Variants in USP42 observed in about 807,000 individuals in gnomAD.
USP42 encodes ubiquitin specific peptidase 42.
A neutral mutation model predicts 113.0 loss-of-function variants in USP42; 23 were observed. The ratio of observed to expected loss-of-function variants is 0.20; its 90% confidence interval spans 0.15 to 0.29. USP42 has a LOEUF of 0.29. Ranked by LOEUF, USP42 falls within the 10% of genes least tolerant of loss-of-function variation. The probability of loss-of-function intolerance (pLI) is 1.00; values close to 1 mark genes in which losing one functional copy is unlikely to be tolerated. For missense variants in USP42, 2,174 were observed against 1,779.8 expected (o/e 1.22, Z -3.99); for synonymous variants, 933 against 699.0 (o/e 1.33, Z -5.28).
intron 3 of USP42, among the ~76,000 whole-genome samples, chr7:6,122,282 T>G (rs987443137): frequency 1.0e-4 from 15 of 149,838 alleles, no homozygotes; most frequent in Non-Finnish European, 1.8e-4. Flanking sequence ...TGTGTCAGTT[T>G]TTTTTTTTTT....
intron 3 of USP42, among the ~76,000 whole-genome samples, chr7:6,126,750 TG>T (rs1780569214): frequency 6.6e-6 from 1 of 152,060 alleles, no homozygotes; most frequent in South Asian, 2.1e-4. Context: ...TTTCTGGTTT[TG>T]GGGGATTGTG....
intron 14 of USP42, among the ~76,000 whole-genome samples, chr7:6,152,747 G>A (rs943147072): frequency 3.3e-5 from 5 of 152,162 alleles, no homozygotes; most frequent in African/African-American, 4.8e-5. Context: ...AGGATATATC[G>A]AAAGCTCTGC....
At chr7:6,108,736 C>G (rs1405466032) in intron 1 of USP42, among the ~76,000 whole-genome samples, 2 of 152,170 alleles carry the variant, frequency 1.3e-5, no homozygotes, top group Non-Finnish European at 2.9e-5. Flanking sequence ...GCCTTGGCCT[C>G]CCAAAGTGCT....
the USP42 span, among the ~76,000 whole-genome samples, chr7:6,088,042 G>C: frequency 2.0e-5 from 3 of 151,020 alleles, no homozygotes; most frequent in African/African-American, 7.4e-5. Context: ...GCTCATACCT[G>C]TAATGCCAGC....
rs569005876 is a variant in USP42, at chr7:6,120,662, C to T, written c.442+5139C>T. Among the ~76,000 whole-genome samples the T allele has an allele frequency of 5.9e-5, 9 of 152,346 alleles. 1 individual carries two copies. The highest frequency in any genetic ancestry group is 2.2e-4 in the African/African-American group (9 of 41,572). ...GCAGTGGCACAATCTCGGCTCACTG[C>T]ACCCTCTGCCTTCTGGGTTCAAGCA... On this transcript the variant is annotated intron_variant, in intron 3 of 17. Transcript: ENST00000306177.
the USP42 span, among the ~76,000 whole-genome samples, chr7:6,099,638 G>A: frequency 6.6e-6 from 1 of 150,626 alleles, no homozygotes; most frequent in South Asian, 2.1e-4. Flanking sequence ...GTGAGCCACC[G>A]CACCTGCCCC....
chr7:6,128,371 T>G (rs1780656687), intron 3 of USP42: 1 of 151,642 alleles, frequency 6.6e-6, no homozygotes, highest in African/African-American at 2.4e-5. Flanking sequence ...CTAGGAATCC[T>G]CCATCTCAGC....
chr7:6,083,484 G>A, the USP42 span, among the ~76,000 whole-genome samples: 7 of 149,952 alleles, frequency 4.7e-5, no homozygotes, highest in Admixed American at 4.7e-4. Context: ...TCAAACTCCT[G>A]ACCTCAAGTA....
rs1373037400 is a variant in USP42 at position 6,129,104 on chromosome 7, G to C, written c.443-6737G>C. Among the ~76,000 whole-genome samples the C allele has an allele frequency of 2.0e-5, 3 of 152,160 alleles. No individual in the cohort carries two copies. In the East Asian group the frequency reaches 5.8e-4, roughly 29 times the overall value. The stretch of plus-strand genomic sequence containing the variant: ...TGGGATTACAGGCGTGTGCCACTGG[G>C]CCTGTAGCCTTTTTAGTGGTCACTT... On this transcript the variant is annotated intron_variant, in intron 3 of 17. Transcript: ENST00000306177.
chr7:6,084,242 G>T, the USP42 span, among the ~76,000 whole-genome samples: 10 of 151,140 alleles, frequency 6.6e-5, no homozygotes, highest in Admixed American at 4.6e-4. Flanking sequence ...GACCAGGCTG[G>T]TCTTGAACTC....
At chr7:6,153,708 C>T (rs1042215241) in intron 14 of USP42, 48 bp from the exon 15 acceptor site, 4 of 1,420,762 alleles carry the variant, frequency 2.8e-6, no homozygotes, top group African/African-American at 3.0e-5. Context: ...TGACATGAGC[C>T]TGTCAAGCCC....
At position 6,160,812 on chromosome 7, in the gene USP42, A is replaced by G. The variant is rs537918421; in HGVS notation, c.*294A>G. On this transcript the variant is annotated 3_prime_UTR_variant, in exon 18 of 18. Transcript: ENST00000306177. The stretch of plus-strand genomic sequence containing the variant: ...AATGCCCTGGAATAGAACATCTCAA[A>G]TGCTGCTTAATTACAGACTCAGGTC... The G allele has an allele frequency of 1.3e-5, 2 of 152,624 alleles. No individual in the cohort carries two copies. Among genetic ancestry groups the G allele is most frequent in the East Asian group, 1.9e-4 (1 of 5,206 alleles). 9.5% of individuals were successfully genotyped at this position (152,624 alleles called of 1,614,324 possible).
At chr7:6,118,962 C>G (rs1395740152) in intron 3 of USP42, among the ~76,000 whole-genome samples, 1 of 151,572 alleles carries the variant, frequency 6.6e-6, no homozygotes, top group Non-Finnish European at 1.5e-5. Flanking sequence ...TGTCTGTAAT[C>G]TCAGTGTTTT....
the USP42 span, among the ~76,000 whole-genome samples, chr7:6,083,275 A>AT: frequency 7.1e-6 from 1 of 141,744 alleles, no homozygotes; most frequent in Non-Finnish European, 1.5e-5. Flanking sequence ...TATTTATTTT[A>AT]GATACAGTCT....
intron 3 of USP42, among the ~76,000 whole-genome samples, chr7:6,116,306 A>G (rs534677147): frequency 6.6e-6 from 1 of 152,172 alleles, no homozygotes; most frequent in Non-Finnish European, 1.5e-5. Context: ...TGAGAACTTC[A>G]TCTTCAACCT....
the USP42 span, chr7:6,081,380 G>T: frequency 1.3e-5 from 2 of 152,036 alleles, no homozygotes; most frequent in South Asian, 4.1e-4. Flanking sequence ...GGTAGATGGC[G>T]GGCGGCGCAG....
intron 14 of USP42, chr7:6,152,876 T>G (rs1026227378): frequency 1.0e-6 from 1 of 969,818 alleles, no homozygotes; most frequent in South Asian, 4.8e-5. Flanking sequence ...CCCTCTACCT[T>G]TGAGGGTCCA....
At chr7:6,100,252 A>C (rs1195521389), upstream of USP42, among the ~76,000 whole-genome samples, 3 of 150,826 alleles carry the variant, frequency 2.0e-5, no homozygotes. Flanking sequence ...AGCCCTAACT[A>C]GTCCCCCTAG....
Position 6,157,166 on chromosome 7 carries a change from A to C in USP42, c.3943+111A>C. 6.9e-7 allele frequency: 1 copy of C among 1,441,874 alleles called. No individual in the cohort carries two copies. Among genetic ancestry groups the C allele is most frequent in the Non-Finnish European group, 9.1e-7 (1 of 1,103,688 alleles). The allele number at this position is 1,441,874 out of a possible 1,614,324, so 89.3% of individuals were successfully genotyped here. ...AACCTCAGGTGGCATCAAAGGGCAC[A>C]GTTACTCAGAGCACCCCTGCCCTGC... On this transcript the variant is annotated intron_variant, in intron 16 of 17. Transcript: ENST00000306177. This position sits in a 1 kb window ranked among gnomAD's most constrained non-coding sequence, Gnocchi z 4.1.
Sources: gnomAD v4.1 joint callset for allele counts (sites outside exome capture counted in the v4.1 genomes callset) on GRCh38, gnomAD v4.1.1 for gene constraint, Gnocchi (gnomAD v3.1) non-coding constraint, MANE v1.5 for transcripts, NCBI Gene and HGNC (gene_info 2026-07-23, HGNC 2026-07-21) for gene names.